ACCSL: variants seen among roughly 807,000 people sequenced by gnomAD.
ACCSL encodes the protein probable inactive 1-aminocyclopropane-1-carboxylate synthase-like protein 2.
A neutral mutation model predicts 61.7 loss-of-function variants in ACCSL; 55 were observed. The ratio of observed to expected loss-of-function variants is 0.89; its 90% confidence interval spans 0.72 to 1.12. The LOEUF (loss-of-function observed/expected upper bound fraction) is 1.12. ACCSL is among the 50% of genes most tolerant of loss of function. ACCSL has a pLI of 0.00. For synonymous variants in ACCSL, 258 were observed against 264.3 expected, an observed-to-expected ratio of 0.98 and a Z score of 0.23; for missense variants, 632 against 698.0, an observed-to-expected ratio of 0.91 and a Z score of 1.07.
chr11:43,923,821 A>G, the ACCSL span, among the ~76,000 whole-genome samples: 1 of 152,238 alleles, frequency 6.6e-6, no homozygotes, highest in African/African-American at 2.4e-5. Context: ...ATTAGGCTGT[A>G]GCTTCGTAGC....
At chr11:43,991,370 G>A in the ACCSL span, among the ~76,000 whole-genome samples, 4 of 152,254 alleles carry the variant, frequency 2.6e-5, no homozygotes, top group South Asian at 8.3e-4. Flanking sequence ...CACACAAAGT[G>A]TATGAAATAT....
chr11:44,043,103 A>C (rs900216494), upstream of ACCSL, among the ~76,000 whole-genome samples: 1 of 152,096 alleles, frequency 6.6e-6, no homozygotes, highest in Non-Finnish European at 1.5e-5. Flanking sequence ...GTATTTAGCT[A>C]TTTATATTCT....
the ACCSL span, among the ~76,000 whole-genome samples, chr11:43,982,226 CTTTTTTTTTT>C: frequency 2.3e-5 from 2 of 86,324 alleles, no homozygotes; most frequent in Admixed American, 3.3e-4. Flanking sequence ...CCAAGGCCCT[CTTTTTTTTTT>C]TTTTTTTTTT....
chr11:43,930,650 A>G, the ACCSL span, among the ~76,000 whole-genome samples: 1 of 152,188 alleles, frequency 6.6e-6, no homozygotes, highest in African/African-American at 2.4e-5. Flanking sequence ...CTGTGCTTGT[A>G]CAGCCTGCGG....
the ACCSL span, among the ~76,000 whole-genome samples, chr11:43,976,861 T>C: frequency 6.6e-6 from 1 of 152,226 alleles, no homozygotes; most frequent in Non-Finnish European, 1.5e-5. Flanking sequence ...GAACACATTA[T>C]AGTGTCTCAT....
At chr11:43,922,678 T>A in the ACCSL span, among the ~76,000 whole-genome samples, 1 of 152,190 alleles carries the variant, frequency 6.6e-6, no homozygotes, top group Non-Finnish European at 1.5e-5. Context: ...CCTGACCATA[T>A]CCACCTTCAG....
rs1480128762 is a variant in ACCSL at position 44,048,286 on chromosome 11, T to C, written c.250T>C (p.Ser84Pro). ...ATGCCGGATGATCAACCTCCTACAG[T>C]CTGGGGCCGCGAGTGGCCTGGAGCT... ...LICRMINLLQSGAASGLELQV... is the reference protein window; with the variant it reads ...LICRMINLLQPGAASGLELQV... Residue 84 changes from serine to proline, a missense_variant, in exon 1 of 14, where the codon TCT (serine) becomes CCT (proline). Physicochemically the swap from Ser to Pro is moderately conservative, Grantham distance 74 (BLOSUM62 -1). Coordinates refer to ENST00000378832, the MANE Select transcript of ACCSL (RefSeq NM_001031854.2). 2 of 1,613,958 alleles carry C rather than the reference T, an allele frequency of 1.2e-6. No individual in the cohort carries two copies. Among genetic ancestry groups the C allele is most frequent in the South Asian group, 1.1e-5 (1 of 91,054 alleles).
the ACCSL span, among the ~76,000 whole-genome samples, chr11:43,934,478 G>A: frequency 8.5e-5 from 13 of 152,130 alleles, no homozygotes; most frequent in Admixed American, 2.0e-4. Flanking sequence ...ACACACACGC[G>A]CACACACATG....
chr11:43,999,271 G>A, the ACCSL span, among the ~76,000 whole-genome samples: 1 of 152,130 alleles, frequency 6.6e-6, no homozygotes, highest in Non-Finnish European at 1.5e-5. Context: ...GTTTATTACT[G>A]TGTAACAAAT....
At chr11:43,931,833 CAG>C in the ACCSL span, among the ~76,000 whole-genome samples, 1 of 152,208 alleles carries the variant, frequency 6.6e-6, no homozygotes, top group Admixed American at 6.5e-5. Flanking sequence ...ATGCCTTCCA[CAG>C]GGGGGCAACA....
At chr11:43,926,605 A>C in the ACCSL span, 1 of 329,774 alleles carries the variant, frequency 3.0e-6, no homozygotes, top group Non-Finnish European at 6.1e-6. Flanking sequence ...AAGTAAACCC[A>C]TGTGGCTTCT....
the ACCSL span, among the ~76,000 whole-genome samples, chr11:43,970,472 G>A: frequency 6.6e-6 from 1 of 152,272 alleles, no homozygotes; most frequent in South Asian, 2.1e-4. Context: ...CCAAAGTGCT[G>A]GGATTACAGA....
chr11:44,016,020 A>G, the ACCSL span, among the ~76,000 whole-genome samples: 1 of 152,220 alleles, frequency 6.6e-6, no homozygotes, highest in East Asian at 1.9e-4. Context: ...CTTTGGGTTG[A>G]AAAAGGGACC....
At chr11:43,992,321 A>G in the ACCSL span, among the ~76,000 whole-genome samples, 1 of 152,128 alleles carries the variant, frequency 6.6e-6, no homozygotes, top group East Asian at 1.9e-4. Flanking sequence ...TGTTGGGATT[A>G]CAGGCGTGAG....
chr11:43,941,490 G>C, the ACCSL span, among the ~76,000 whole-genome samples: 43 of 152,336 alleles, frequency 2.8e-4, no homozygotes, highest in African/African-American at 8.9e-4. Context: ...GCCCTGCTGG[G>C]TGCCTGTCAG....
the ACCSL span, among the ~76,000 whole-genome samples, chr11:44,028,936 G>A: frequency 2.0e-5 from 3 of 152,362 alleles, no homozygotes; most frequent in African/African-American, 7.2e-5. Flanking sequence ...TAGAACAGGT[G>A]TGTTCAGGCT....
the ACCSL span, among the ~76,000 whole-genome samples, chr11:44,027,078 T>G: frequency 3.3e-5 from 5 of 152,212 alleles, no homozygotes; most frequent in Non-Finnish European, 7.3e-5. Context: ...CCCTGAAGTC[T>G]GCTTGTTAGC....
intron 8 of ACCSL, 92 bp downstream of exon 8, chr11:44,053,598 C>T (rs1454720143): frequency 2.6e-5 from 31 of 1,213,852 alleles, no homozygotes; most frequent in Non-Finnish European, 3.5e-5. Flanking sequence ...TCTGGTGGCA[C>T]ATGCCTGTAA....
chr11:44,031,967 C>T, the ACCSL span, among the ~76,000 whole-genome samples: 143 of 152,340 alleles, frequency 9.4e-4, no homozygotes, highest in Non-Finnish European at 1.6e-3. Context: ...TTCCCTCAAG[C>T]TCTCTGAATC....
Sources: gnomAD v4.1 joint callset for allele counts (sites outside exome capture counted in the v4.1 genomes callset) on GRCh38, gnomAD v4.1.1 for gene constraint, MANE v1.5 for transcripts, NCBI Gene and HGNC (gene_info 2026-07-23, HGNC 2026-07-21) for gene names.